Variants in CCSER1 observed in about 807,000 individuals in gnomAD.
CCSER1 encodes serine-rich coiled-coil domain-containing protein 1.
A neutral mutation model predicts 82.0 loss-of-function variants in CCSER1; 41 were observed. The observed-to-expected ratio is 0.50, with a 90% CI of 0.39 to 0.65. The LOEUF (loss-of-function observed/expected upper bound fraction) is 0.65. Among genes scored for constraint, CCSER1 ranks in the 30% least tolerant of loss-of-function variants. The probability of loss-of-function intolerance (pLI) is 0.00; values close to 1 mark genes in which losing one functional copy is unlikely to be tolerated. For synonymous variants in CCSER1, 414 were observed against 383.9 expected (o/e 1.08, Z -0.92); for missense variants, 1,119 against 1,064.2 (o/e 1.05, Z -0.72).
chr4:91,427,939 T>G (rs894604263), intron 10 of CCSER1, among the ~76,000 whole-genome samples: 1 of 152,036 alleles, frequency 6.6e-6, no homozygotes, highest in African/African-American at 2.4e-5. Flanking sequence ...GATATAGCTT[T>G]TATTTAGCTC....
intron 1 of CCSER1, among the ~76,000 whole-genome samples, chr4:90,136,969 T>C (rs1723810289): frequency 6.6e-6 from 1 of 152,196 alleles, no homozygotes; most frequent in South Asian, 2.1e-4. Context: ...CAATATATTT[T>C]AGAGGTAACA....
chr4:90,415,645 A>T (rs913156384), intron 4 of CCSER1, among the ~76,000 whole-genome samples: 6 of 152,236 alleles, frequency 3.9e-5, no homozygotes, highest in Admixed American at 1.3e-4. Context: ...ATATTAAGCA[A>T]TGCATATTCT....
At chr4:91,008,921 G>A (rs985008923) in intron 9 of CCSER1, among the ~76,000 whole-genome samples, 1 of 152,216 alleles carries the variant, frequency 6.6e-6, no homozygotes, top group African/African-American at 2.4e-5. Context: ...ATTAGAAGCT[G>A]TGGGTCACAG....
At chr4:91,346,798 T>C (rs1047725336) in intron 10 of CCSER1, among the ~76,000 whole-genome samples, 3 of 152,202 alleles carry the variant, frequency 2.0e-5, no homozygotes, top group Admixed American at 6.5e-5. Flanking sequence ...GAGGTGTCTA[T>C]AGATAACTTT....
intron 10 of CCSER1, among the ~76,000 whole-genome samples, chr4:91,460,642 C>T (rs1756450265): frequency 6.6e-6 from 1 of 152,086 alleles, no homozygotes; most frequent in Admixed American, 6.6e-5. Flanking sequence ...GGATCAGAGA[C>T]AAGTTAATCA....
chr4:91,549,150 A>G (rs140994928), intron 10 of CCSER1, among the ~76,000 whole-genome samples: 28 of 152,186 alleles, frequency 1.8e-4, no homozygotes, highest in African/African-American at 6.0e-4. Flanking sequence ...TAGTCTACTA[A>G]TAAGTCCATC....
intron 6 of CCSER1, among the ~76,000 whole-genome samples, chr4:90,630,565 G>A (rs911729644): frequency 6.6e-6 from 1 of 152,036 alleles, no homozygotes; most frequent in Admixed American, 6.6e-5. Flanking sequence ...CTTAATATAT[G>A]TTTGTGCAGC....
intron 9 of CCSER1, among the ~76,000 whole-genome samples, chr4:91,031,146 A>G (rs1321420041): frequency 2.6e-5 from 4 of 152,204 alleles, no homozygotes; most frequent in Non-Finnish European, 5.9e-5. Context: ...ACGTTTAGGC[A>G]GTATACAAAA....
At chr4:90,384,077 C>T (rs896310908) in intron 3 of CCSER1, among the ~76,000 whole-genome samples, 4 of 151,498 alleles carry the variant, frequency 2.6e-5, no homozygotes, top group African/African-American at 4.8e-5. Flanking sequence ...TTTAGTTTTT[C>T]GAACCCTCGT....
chr4:90,877,888 T>A (rs1264694949), intron 8 of CCSER1, among the ~76,000 whole-genome samples: 1 of 152,136 alleles, frequency 6.6e-6, no homozygotes, highest in Admixed American at 6.5e-5. Flanking sequence ...TTAGTCACAT[T>A]AGTCCCTTTA....
intron 1 of CCSER1, 62 bp from the exon 2 acceptor site, chr4:90,308,182 T>G: frequency 8.1e-7 from 1 of 1,235,076 alleles, no homozygotes; most frequent in Non-Finnish European, 1.1e-6. Flanking sequence ...TATTTTGTTT[T>G]AAAATGTATT....
chr4:90,431,105 A>G (rs1463686885), intron 4 of CCSER1, among the ~76,000 whole-genome samples: 1 of 152,044 alleles, frequency 6.6e-6, no homozygotes, highest in Non-Finnish European at 1.5e-5. Flanking sequence ...AAAGGAAGTA[A>G]TGTTTGTTAA....
At chr4:91,254,907 C>A (rs1200155372) in intron 10 of CCSER1, among the ~76,000 whole-genome samples, 1 of 151,906 alleles carries the variant, frequency 6.6e-6, no homozygotes, top group African/African-American at 2.4e-5. Context: ...AATGTAAAAA[C>A]AATATTTTCC....
intron 10 of CCSER1, among the ~76,000 whole-genome samples, chr4:91,363,418 A>G (rs1306555724): frequency 6.6e-6 from 1 of 151,280 alleles, no homozygotes; most frequent in Admixed American, 6.6e-5. Flanking sequence ...AAAAGAAGAC[A>G]TAAAATATGA....
chr4:91,096,615 C>G (rs934436393), intron 10 of CCSER1, among the ~76,000 whole-genome samples: 2 of 152,184 alleles, frequency 1.3e-5, no homozygotes, highest in Non-Finnish European at 2.9e-5. Context: ...TAACTTACCT[C>G]TAATTCGGGC....
At position 91,317,176 on chromosome 4, in the gene CCSER1, AC is replaced by A. The variant is rs1240298563; in HGVS notation, c.2217+231183del. On this transcript the variant is annotated intron_variant, in intron 10 of 10. Transcript: ENST00000509176. ...AATACATATAATTATTATTTGACAA[AC>A]AAAAATTAAATTAAAAAAAGATAAA... 3.3e-5 allele frequency among the ~76,000 whole-genome samples: 5 copies of A among 152,110 alleles called. No homozygotes were observed. The East Asian group carries it at 9.7e-4, about 29-fold the overall frequency.
intron 9 of CCSER1, among the ~76,000 whole-genome samples, chr4:90,950,366 CTG>C (rs1581183043): frequency 6.6e-6 from 1 of 151,908 alleles, no homozygotes; most frequent in Non-Finnish European, 1.5e-5. Flanking sequence ...GTGATGGAAA[CTG>C]AGATATATTT....
intron 6 of CCSER1, among the ~76,000 whole-genome samples, chr4:90,720,526 T>G (rs1742493216): frequency 6.6e-6 from 1 of 152,078 alleles, no homozygotes; most frequent in Admixed American, 6.6e-5. Context: ...AAATTTTATA[T>G]TTTGTTTGTT....
intron 6 of CCSER1, among the ~76,000 whole-genome samples, chr4:90,694,633 G>T (rs995149696): frequency 2.0e-5 from 3 of 151,872 alleles, no homozygotes; most frequent in Non-Finnish European, 1.5e-5. Context: ...TTTACTTGTT[G>T]TTTTCCTCAA....
Sources: gnomAD v4.1 joint callset for allele counts (sites outside exome capture counted in the v4.1 genomes callset) on GRCh38, gnomAD v4.1.1 for gene constraint, MANE v1.5 for transcripts, NCBI Gene and HGNC (gene_info 2026-07-23, HGNC 2026-07-21) for gene names.